Variants in GPC5 observed in about 807,000 individuals in gnomAD.
GPC5 encodes the protein glypican 5.
Under a neutral mutation model 53.9 loss-of-function variants are expected in GPC5, and 47 were observed. That is an observed-to-expected ratio of 0.87 (90% CI 0.69 to 1.11). The LOEUF is 1.11. GPC5 is among the 50% of genes most tolerant of loss of function. The pLI is 0.00. For missense variants in GPC5, 748 were observed against 713.1 expected, an observed-to-expected ratio of 1.05 and a Z score of -0.56; for synonymous variants, 286 against 263.3, an observed-to-expected ratio of 1.09 and a Z score of -0.84.
intron 5 of GPC5, among the ~76,000 whole-genome samples, chr13:91,833,890 C>A (rs1247042209): frequency 1.3e-5 from 2 of 152,000 alleles, no homozygotes; most frequent in African/African-American, 4.8e-5. Context: ...GAAGTTCTGG[C>A]CAGGGCAATC....
intron 7 of GPC5, among the ~76,000 whole-genome samples, chr13:92,337,140 T>C (rs2043329625): frequency 2.0e-5 from 3 of 151,624 alleles, no homozygotes; most frequent in South Asian, 4.2e-4. Context: ...ATAGCTCTAG[T>C]GAACAAATGT....
intron 6 of GPC5, among the ~76,000 whole-genome samples, chr13:92,128,722 T>A (rs1218390264): frequency 1.3e-5 from 2 of 152,142 alleles, no homozygotes; most frequent in East Asian, 3.9e-4. Context: ...CCCAGCACTT[T>A]GGGAAGCAGA....
chr13:92,337,114 G>A (rs1275806984), intron 7 of GPC5, among the ~76,000 whole-genome samples: 1 of 151,460 alleles, frequency 6.6e-6, no homozygotes, highest in African/African-American at 2.4e-5. Flanking sequence ...ACAGTCAGAC[G>A]ATACCACCTT....
rs185666259 is a variant in GPC5 at position 92,496,636 on chromosome 13, T to C, written c.1561+351647T>C. ...AGCCATACTAGTCTTGGGTGTGGAT[T>C]GACGACCAAATTCACAGAACTCAGT... is the stretch of plus-strand genomic sequence containing the variant. On this transcript the variant is annotated intron_variant, in intron 7 of 7. Transcript: ENST00000377067. Among the ~76,000 whole-genome samples the C allele has an allele frequency of 3.0e-3, 460 of 152,262 alleles. 1 individual carries two copies. Among genetic ancestry groups the C allele is most frequent in the Non-Finnish European group, 4.7e-3 (317 of 68,008 alleles).
At chr13:92,639,226 A>G (rs1885510717) in intron 7 of GPC5, among the ~76,000 whole-genome samples, 1 of 152,170 alleles carries the variant, frequency 6.6e-6, no homozygotes, top group Non-Finnish European at 1.5e-5. Flanking sequence ...ACTAAATTCA[A>G]TGATGAACAT....
chr13:91,641,406 AAAC>A (rs1284682137), intron 2 of GPC5, among the ~76,000 whole-genome samples: 7 of 152,188 alleles, frequency 4.6e-5, no homozygotes, highest in African/African-American at 1.7e-4. Context: ...AGTGGGAGCT[AAAC>A]AACAAGAACA....
chr13:91,873,109 A>G (rs868448848), intron 5 of GPC5, among the ~76,000 whole-genome samples: 3 of 152,206 alleles, frequency 2.0e-5, no homozygotes, highest in Admixed American at 6.5e-5. Flanking sequence ...TGCAATTGCC[A>G]TAGAAAATGA....
chr13:92,167,793 G>A (rs2042042275), intron 7 of GPC5, among the ~76,000 whole-genome samples: 1 of 150,812 alleles, frequency 6.6e-6, no homozygotes, highest in Admixed American at 6.6e-5. Flanking sequence ...AAGGTCATCT[G>A]TTGTTTAACA....
chr13:92,833,598 G>T (rs1293381803), intron 7 of GPC5, among the ~76,000 whole-genome samples: 1 of 152,112 alleles, frequency 6.6e-6, no homozygotes, highest in East Asian at 1.9e-4. Context: ...ATCTTAAACT[G>T]ATTGTGTCAG....
chr13:92,195,468 A>G (rs2042250558), intron 7 of GPC5, among the ~76,000 whole-genome samples: 1 of 152,200 alleles, frequency 6.6e-6, no homozygotes, highest in African/African-American at 2.4e-5. Context: ...TATTGATCTT[A>G]CTGTATGGCA....
chr13:91,623,346 A>G (rs1019508253), intron 2 of GPC5, among the ~76,000 whole-genome samples: 6 of 152,136 alleles, frequency 3.9e-5, no homozygotes, highest in African/African-American at 1.4e-4. Flanking sequence ...ACAGGTTTGT[A>G]TGCAAGGGAA....
intron 7 of GPC5, among the ~76,000 whole-genome samples, chr13:92,398,345 C>T (rs986757554): frequency 7.1e-6 from 1 of 141,504 alleles, no homozygotes; most frequent in South Asian, 2.3e-4. Flanking sequence ...AGGAGAATGG[C>T]GTGAACCCGG....
chr13:91,529,156 G>A (rs1248878887), intron 2 of GPC5, among the ~76,000 whole-genome samples: 1 of 152,148 alleles, frequency 6.6e-6, no homozygotes, highest in Non-Finnish European at 1.5e-5. Flanking sequence ...TTCTGTTTTG[G>A]TTACTGATGT....
At chr13:92,511,116 G>C (rs1032002102) in intron 7 of GPC5, among the ~76,000 whole-genome samples, 2 of 152,146 alleles carry the variant, frequency 1.3e-5, no homozygotes, top group Non-Finnish European at 2.9e-5. Context: ...TCTTTGGTTT[G>C]ATATGTTTAG....
intron 7 of GPC5, among the ~76,000 whole-genome samples, chr13:92,651,364 T>G (rs947412337): frequency 6.6e-6 from 1 of 152,152 alleles, no homozygotes; most frequent in African/African-American, 2.4e-5. Flanking sequence ...AATGGTGTGA[T>G]GAAAATGGTA....
At chr13:91,448,512 T>A (rs939755479) in intron 1 of GPC5, among the ~76,000 whole-genome samples, 1 of 152,226 alleles carries the variant, frequency 6.6e-6, no homozygotes, top group Non-Finnish European at 1.5e-5. Context: ...TTGCTTTCTA[T>A]TGAGTGGAGA....
Position 92,219,500 on chromosome 13 carries a change from T to C in GPC5, c.1561+74511T>C, listed in dbSNP as rs2042433789. Among the ~76,000 whole-genome samples, 3 of 152,256 alleles carry C rather than the reference T, an allele frequency of 2.0e-5. No homozygotes were observed. In the South Asian group the frequency reaches 6.2e-4, roughly 32 times the overall value. On this transcript the variant is annotated intron_variant, in intron 7 of 7. Coordinates refer to ENST00000377067, the MANE Select transcript of GPC5 (RefSeq NM_004466.6). ...AGAACGAAATCAAAAGGAAAACCCC[T>C]ACTTTCCACACCCAAGTAACACAAG...
rs72644019 is a variant in GPC5, at chr13:91,779,864, C to T, written c.1280+23444C>T. Among the ~76,000 whole-genome samples the T allele has an allele frequency of 7.0e-3, 1,059 of 151,780 alleles. 11 individuals are homozygous for T. The highest frequency in any genetic ancestry group is 0.027 in the Middle Eastern group (8 of 292). On this transcript the variant is annotated intron_variant, in intron 5 of 7. Transcript: ENST00000377067. ...TTTTCTGGAATACCTCCTTAAGGACCGGCCTGAGGTGGTTTTATAGTTAAC... is the reference window on the plus strand; with the variant it reads ...TTTTCTGGAATACCTCCTTAAGGACTGGCCTGAGGTGGTTTTATAGTTAAC...
chr13:92,354,187 A>G (rs1255253233), intron 7 of GPC5, among the ~76,000 whole-genome samples: 1 of 152,250 alleles, frequency 6.6e-6, no homozygotes, highest in Admixed American at 6.5e-5. Flanking sequence ...CTTTTGCTCT[A>G]TAACTTGACA....
Sources: allele counts gnomAD v4.1 joint callset (sites outside exome capture counted in the v4.1 genomes callset), GRCh38; gene constraint gnomAD v4.1.1; transcripts MANE v1.5; gene names NCBI Gene and HGNC (gene_info 2026-07-23, HGNC 2026-07-21).